PC: variants seen among roughly 807,000 people sequenced by gnomAD.
PC encodes the protein pyruvate carboxylase, mitochondrial.
A neutral mutation model predicts 107.8 loss-of-function variants in PC; 46 were observed. The ratio of observed to expected loss-of-function variants is 0.43; its 90% CI spans 0.34 to 0.55. The LOEUF (loss-of-function observed/expected upper bound fraction) is 0.55, where lower values mean the gene tolerates loss of function less well. Ranked by LOEUF, PC falls within the 20% of genes least tolerant of loss-of-function variation. The pLI is 0.04. For missense variants in PC, 1,241 were observed against 1,643.1 expected (o/e 0.76, Z 4.23); for synonymous variants, 662 against 684.7 (o/e 0.97, Z 0.52).
At chr11:66,921,076 G>A (rs2136091092) in intron 3 of PC, among the ~76,000 whole-genome samples, 1 of 151,892 alleles carries the variant, frequency 6.6e-6, no homozygotes, top group African/African-American at 2.4e-5. Context: ...GGGCAACGTG[G>A]CTGAGGACGA....
At position 66,857,875 on chromosome 11, in the gene PC, C is replaced by T; in HGVS notation, c.1369-4492G>A. The T allele has an allele frequency of 1.2e-6, 2 of 1,610,828 alleles. No individual in the cohort carries two copies. The highest frequency in any genetic ancestry group is 1.7e-5 in the Admixed American group (1 of 60,002). On this transcript the variant is annotated intron_variant, in intron 12 of 22. Transcript: ENST00000393960. This position sits in a 1 kb window ranked among gnomAD's most constrained non-coding sequence, Gnocchi z 7.1. ...CACCGAGGCCTGCTGTTTGTGCCGC[C>T]CAACGTGGACCGGCGCACAGTGGAG...
intron 3 of PC, among the ~76,000 whole-genome samples, chr11:66,899,205 T>C (rs772590029): frequency 1.3e-5 from 2 of 151,852 alleles, no homozygotes; most frequent in Non-Finnish European, 2.9e-5. Context: ...AATCATAAAT[T>C]ATGTGGGTTT....
At position 66,923,033 on chromosome 11, in the gene PC, G is replaced by A. The variant is rs551008555; in HGVS notation, c.-1+29397C>T. ...TTGAGGCGTGCTGAGCAATGATGGC[G>A]CAGCAGGGAAAGGCGAACACACAAT... is the stretch of plus-strand genomic sequence containing the variant. On this transcript the variant is annotated intron_variant, in intron 3 of 22. Coordinates refer to ENST00000393960, the MANE Select transcript of PC (RefSeq NM_001040716.2). 8.5e-4 allele frequency among the ~76,000 whole-genome samples: 129 copies of A among 152,286 alleles called. 1 individual carries two copies. The highest frequency in any genetic ancestry group is 5.8e-3 in the South Asian group (28 of 4,828).
At chr11:66,946,825 C>T (rs980725135) in intron 3 of PC, among the ~76,000 whole-genome samples, 2 of 152,016 alleles carry the variant, frequency 1.3e-5, no homozygotes, top group Non-Finnish European at 2.9e-5. Flanking sequence ...TTAGTTTAGA[C>T]GTGTGATTTT....
intron 3 of PC, among the ~76,000 whole-genome samples, chr11:66,926,810 G>A (rs1017764160): frequency 2.2e-5 from 3 of 137,066 alleles, no homozygotes; most frequent in Non-Finnish European, 4.6e-5. Context: ...CATATAGTAT[G>A]TGACCTTTTG....
intron 3 of PC, among the ~76,000 whole-genome samples, chr11:66,917,885 A>G (rs11227628): frequency 0.44 from 66,850 of 152,026 alleles, 15,012 homozygotes; most frequent in Middle Eastern, 0.49. Context: ...AAAGACCTCC[A>G]TGGGCAGCCT....
intron 10 of PC, among the ~76,000 whole-genome samples, chr11:66,868,618 G>A (rs1433841215): frequency 1.3e-5 from 2 of 152,204 alleles, no homozygotes; most frequent in African/African-American, 4.8e-5. Context: ...TGACAGAGAG[G>A]AGGGCTGTCA....
At chr11:66,919,273 A>G (rs752960974) in intron 3 of PC, among the ~76,000 whole-genome samples, 1 of 152,102 alleles carries the variant, frequency 6.6e-6, no homozygotes, top group Non-Finnish European at 1.5e-5. Context: ...AAAATTAGCC[A>G]GGCGTGGTGG....
chr11:66,877,210 T>A (rs145323014), intron 3 of PC, among the ~76,000 whole-genome samples: 2,938 of 152,096 alleles, frequency 0.019, 44 homozygotes, highest in South Asian at 0.043. Flanking sequence ...ACATGGTGAA[T>A]CCCCGTCTCT....
chr11:66,911,964 C>T (rs1328998160), intron 3 of PC, among the ~76,000 whole-genome samples: 1 of 151,452 alleles, frequency 6.6e-6, no homozygotes, highest in Non-Finnish European at 1.5e-5. Context: ...ACCCAGGAGG[C>T]AGAGGTTGTG....
intron 3 of PC, among the ~76,000 whole-genome samples, chr11:66,919,141 T>C (rs1329069878): frequency 6.6e-6 from 1 of 152,114 alleles, no homozygotes; most frequent in East Asian, 1.9e-4. Context: ...TCAAGCCAGG[T>C]GCGGTGGCTC....
intron 12 of PC, among the ~76,000 whole-genome samples, chr11:66,856,481 T>C (rs1945840119): frequency 6.6e-6 from 1 of 151,864 alleles, no homozygotes; most frequent in Non-Finnish European, 1.5e-5. Flanking sequence ...GCAGCAGCCC[T>C]GCCAGGGGCG....
chr11:66,918,167 T>A (rs1272207444), intron 3 of PC, among the ~76,000 whole-genome samples: 1 of 152,160 alleles, frequency 6.6e-6, no homozygotes, highest in Non-Finnish European at 1.5e-5. Flanking sequence ...CCTCTTTCCA[T>A]TCCCAAGTCC....
chr11:66,927,567 C>CA, intron 3 of PC, among the ~76,000 whole-genome samples: 1 of 151,520 alleles, frequency 6.6e-6, no homozygotes. Context: ...ACTAAAAATA[C>CA]AAAAAATTAG....
intron 12 of PC, among the ~76,000 whole-genome samples, chr11:66,854,063 C>T (rs1421239167): frequency 6.6e-6 from 1 of 152,224 alleles, no homozygotes; most frequent in Non-Finnish European, 1.5e-5. Context: ...CCAGTGGGTG[C>T]CCCACTGTCC....
intron 12 of PC, among the ~76,000 whole-genome samples, chr11:66,861,068 T>A (rs1381394466): frequency 6.6e-6 from 1 of 152,216 alleles, no homozygotes; most frequent in East Asian, 1.9e-4. Context: ...GTCAGAACTG[T>A]GGGTCCGAGC....
rs977197019 is a variant in PC, at chr11:66,866,634, G to A, written c.1023-285C>T. The stretch of plus-strand genomic sequence containing the variant: ...TCCTGCATTCCTGACTCACGGTGCC[G>A]TCCACACAGCCCTAAGCTGCTCCTC... On this transcript the variant is annotated intron_variant, in intron 10 of 22. Transcript: ENST00000393960. The surrounding 1 kb of genome is among the most constrained non-coding windows in gnomAD (Gnocchi z 5.4). 9.2e-5 allele frequency among the ~76,000 whole-genome samples: 14 copies of A among 152,254 alleles called. No individual in the cohort carries two copies. The South Asian group carries it at 1.2e-3, about 14-fold the overall frequency.
chr11:66,903,026 T>C (rs971485481), intron 3 of PC, among the ~76,000 whole-genome samples: 1 of 152,220 alleles, frequency 6.6e-6, no homozygotes, highest in Non-Finnish European at 1.5e-5. Context: ...CGCCAGGCCT[T>C]ACTTTTCTGC....
At chr11:66,948,975 AATTATTATTATTATTT>A (rs1565306561) in intron 3 of PC, among the ~76,000 whole-genome samples, 1 of 151,348 alleles carries the variant, frequency 6.6e-6, no homozygotes, top group East Asian at 1.9e-4. Flanking sequence ...AAAATGGAAG[AATTATTATTATTATTT>A]ATTATTATTA....
Sources: gnomAD v4.1 joint callset for allele counts (sites outside exome capture counted in the v4.1 genomes callset) on GRCh38, gnomAD v4.1.1 for gene constraint, Gnocchi (gnomAD v3.1) non-coding constraint, MANE v1.5 for transcripts, NCBI Gene and HGNC (gene_info 2026-07-23, HGNC 2026-07-21) for gene names.